Variants in RUNX1T1 observed in about 807,000 individuals in gnomAD.
The protein encoded by RUNX1T1 is RUNX1 partner transcriptional co-repressor 1.
A neutral mutation model predicts 62.8 loss-of-function variants in RUNX1T1; 4 were observed. That is an observed-to-expected ratio of 0.06 (90% CI 0.03 to 0.15). RUNX1T1 has a LOEUF of 0.15. Among genes scored for constraint, RUNX1T1 ranks in the 10% least tolerant of loss-of-function variants. The pLI is 1.00. For synonymous variants in RUNX1T1, 291 were observed against 286.0 expected, an observed-to-expected ratio of 1.02 and a Z score of -0.18; for missense variants, 508 against 754.3, an observed-to-expected ratio of 0.67 and a Z score of 3.82.
chr8:92,033,607 A>C (rs189631740), intron 1 of RUNX1T1, among the ~76,000 whole-genome samples: 1 of 152,332 alleles, frequency 6.6e-6, no homozygotes, highest in Non-Finnish European at 1.5e-5. Flanking sequence ...CAACATGGCA[A>C]AACCCTGTCT....
chr8:92,044,756 C>T (rs1324825899), intron 1 of RUNX1T1, among the ~76,000 whole-genome samples: 1 of 152,150 alleles, frequency 6.6e-6, no homozygotes, highest in Non-Finnish European at 1.5e-5. Flanking sequence ...TGAGAAAATT[C>T]AGGCACAAAA....
At chr8:92,038,566 T>TAA (rs1262799833) in intron 1 of RUNX1T1, among the ~76,000 whole-genome samples, 1 of 151,956 alleles carries the variant, frequency 6.6e-6, no homozygotes, top group Admixed American at 6.6e-5. Context: ...CTTTCGAGAT[T>TAA]AAATGAGCCC....
intron 1 of RUNX1T1, among the ~76,000 whole-genome samples, chr8:92,080,324 C>T (rs1000387563): frequency 2.0e-5 from 3 of 152,210 alleles, no homozygotes; most frequent in African/African-American, 2.4e-5. Flanking sequence ...TACTATAGTA[C>T]TTTGGGTCTA....
chr8:92,083,774 A>G (rs1015130738), intron 1 of RUNX1T1, among the ~76,000 whole-genome samples: 1 of 152,244 alleles, frequency 6.6e-6, no homozygotes, highest in Non-Finnish European at 1.5e-5. Context: ...ATTGTAAGTC[A>G]TTCTACTATA....
chr8:92,084,526 G>T (rs1186027089), intron 1 of RUNX1T1, among the ~76,000 whole-genome samples: 1 of 152,196 alleles, frequency 6.6e-6, no homozygotes, highest in Non-Finnish European at 1.5e-5. Context: ...TAAATCACTT[G>T]AGTTCAAGGC....
At chr8:91,984,928 T>C (rs1586824356) in intron 8 of RUNX1T1, among the ~76,000 whole-genome samples, 1 of 152,182 alleles carries the variant, frequency 6.6e-6, no homozygotes, top group Non-Finnish European at 1.5e-5. Flanking sequence ...TTAGACTCTT[T>C]CATTATTTAA....
intron 5 of RUNX1T1, chr8:91,994,689 T>A: frequency 2.2e-6 from 1 of 461,716 alleles, no homozygotes; most frequent in Non-Finnish European, 4.3e-6. Context: ...GTGCTGAAGG[T>A]AGGCAATGAA....
intron 8 of RUNX1T1, among the ~76,000 whole-genome samples, chr8:91,984,945 T>C (rs1246921325): frequency 1.3e-5 from 2 of 152,162 alleles, no homozygotes; most frequent in Non-Finnish European, 2.9e-5. Context: ...TTAATACTTA[T>C]GATAATAGGC....
chr8:92,012,163 C>G (rs1189646204), intron 3 of RUNX1T1, among the ~76,000 whole-genome samples: 1 of 152,170 alleles, frequency 6.6e-6, no homozygotes, highest in Non-Finnish European at 1.5e-5. Flanking sequence ...TATGAATAAA[C>G]AATAACTTCC....
At chr8:92,036,736 T>C (rs892534927) in intron 1 of RUNX1T1, among the ~76,000 whole-genome samples, 1 of 152,168 alleles carries the variant, frequency 6.6e-6, no homozygotes, top group African/African-American at 2.4e-5. Flanking sequence ...AAACACTAGA[T>C]TTTGCCCTGG....
At chr8:91,985,167 G>A (rs1298652536) in intron 8 of RUNX1T1, among the ~76,000 whole-genome samples, 1 of 152,102 alleles carries the variant, frequency 6.6e-6, no homozygotes, top group African/African-American at 2.4e-5. Context: ...TTAGCAGATG[G>A]GTATGGGGCC....
At chr8:92,073,781 C>T (rs753200637) in intron 2 of RUNX1T1, among the ~76,000 whole-genome samples, 2 of 152,178 alleles carry the variant, frequency 1.3e-5, no homozygotes, top group Non-Finnish European at 2.9e-5. Flanking sequence ...ACTGCAGCCA[C>T]GAATTCCTGG....
chr8:92,053,050 T>C (rs1830468454), intron 1 of RUNX1T1, among the ~76,000 whole-genome samples: 1 of 152,174 alleles, frequency 6.6e-6, no homozygotes, highest in Admixed American at 6.5e-5. Context: ...TCTTACCCTA[T>C]TCCTTTCAAA....
rs60438153 is a variant in RUNX1T1, at chr8:91,959,488, G to GTATA, written c.*750_*753dup. ...TGTGTATATGTGCGTGTGTGTGTGT[G>GTATA]TATATATATATATATATATATATAT... On this transcript the variant is annotated 3_prime_UTR_variant, in exon 11 of 11. Transcript: ENST00000396218. 490 of 86,534 alleles carry GTATA rather than the reference G, an allele frequency of 5.7e-3. 10 individuals carry two copies. The highest frequency in any genetic ancestry group is 0.011 in the African/African-American group (215 of 19,962). The allele number at this position is 86,534 out of a possible 1,614,324, so 5.4% of individuals were successfully genotyped here. A position where few individuals can be genotyped will look rare whatever the true frequency, so the allele number is the denominator to read the frequency against.
chr8:91,963,584 G>C (rs1451054671), intron 10 of RUNX1T1, among the ~76,000 whole-genome samples: 1 of 152,132 alleles, frequency 6.6e-6, no homozygotes, highest in Non-Finnish European at 1.5e-5. Flanking sequence ...CTCAGCCCCT[G>C]AATAGTCACA....
intron 8 of RUNX1T1, 89 bp downstream of exon 9, chr8:91,986,035 T>C (rs1816485859): frequency 2.2e-6 from 2 of 915,330 alleles, no homozygotes; most frequent in African/African-American, 1.6e-5. Context: ...ATTCCTTGCA[T>C]ATCCTTTAAT....
chr8:91,966,140 T>C (rs1238254069), intron 10 of RUNX1T1, among the ~76,000 whole-genome samples: 1 of 147,774 alleles, frequency 6.8e-6, no homozygotes, highest in Non-Finnish European at 1.5e-5. Context: ...TATATATAAT[T>C]GTACATATTG....
chr8:92,012,578 A>G (rs914610723), intron 3 of RUNX1T1, among the ~76,000 whole-genome samples: 33 of 152,142 alleles, frequency 2.2e-4, no homozygotes, highest in African/African-American at 7.7e-4. Flanking sequence ...TGTTTAAAAG[A>G]AAAAACAAAA....
chr8:91,982,844 G>A (rs751440770), intron 8 of RUNX1T1, among the ~76,000 whole-genome samples: 1 of 150,824 alleles, frequency 6.6e-6, no homozygotes, highest in African/African-American at 2.4e-5. Context: ...TATGAATTCA[G>A]TGTATACTCA....
Sources: gnomAD v4.1 joint callset for allele counts (sites outside exome capture counted in the v4.1 genomes callset) on GRCh38, gnomAD v4.1.1 for gene constraint, MANE v1.5 for transcripts, NCBI Gene and HGNC (gene_info 2026-07-23, HGNC 2026-07-21) for gene names.